The following STPG2 variants were observed in gnomAD, a reference collection of about 807,000 sequenced individuals.
The protein encoded by STPG2 is sperm-tail PG-rich repeat-containing protein 2.
Under a neutral mutation model 54.2 loss-of-function variants are expected in STPG2, and 56 were observed. That is an observed-to-expected ratio of 1.03 (90% confidence interval 0.83 to 1.29). STPG2 has a LOEUF of 1.29. Among genes scored for constraint, STPG2 ranks in the 50% most tolerant of loss-of-function variants. The pLI is 0.00. For synonymous variants in STPG2, 200 were observed against 181.8 expected, an observed-to-expected ratio of 1.10 and a Z score of -0.81; for missense variants, 596 against 544.9, an observed-to-expected ratio of 1.09 and a Z score of -0.93.
At chr4:97,969,745 C>A (rs1734254346) in intron 7 of STPG2, among the ~76,000 whole-genome samples, 1 of 152,168 alleles carries the variant, frequency 6.6e-6, no homozygotes, top group Non-Finnish European at 1.5e-5. Flanking sequence ...CCTTTGAAAA[C>A]TGGCACAAGA....
intron 8 of STPG2, among the ~76,000 whole-genome samples, chr4:97,936,456 C>T (rs573775902): frequency 3.1e-4 from 47 of 152,180 alleles, no homozygotes; most frequent in Admixed American, 1.9e-3. Context: ...CAAATTAATG[C>T]GGTTTCTTCA....
chr4:97,601,141 T>C (rs941233489), intron 10 of STPG2, among the ~76,000 whole-genome samples: 2 of 152,104 alleles, frequency 1.3e-5, no homozygotes, highest in South Asian at 2.1e-4. Context: ...TTCAAAATAA[T>C]GTGCCTTCGT....
At chr4:97,521,984 G>T (rs1731189543) in intron 4 of STPG2, among the ~76,000 whole-genome samples, 1 of 151,766 alleles carries the variant, frequency 6.6e-6, no homozygotes, top group Non-Finnish European at 1.5e-5. Flanking sequence ...AATATTAGTG[G>T]TAATGAGATA....
At chr4:97,660,939 T>A (rs77791562) in intron 10 of STPG2, among the ~76,000 whole-genome samples, 3 of 152,154 alleles carry the variant, frequency 2.0e-5, no homozygotes, top group Non-Finnish European at 4.4e-5. Context: ...TGTTCAGATT[T>A]GGGGTTCACA....
chr4:97,943,971 C>G lies in STPG2; in HGVS notation c.970G>C (p.Glu324Gln). 6.2e-7 allele frequency: 1 copy of G among 1,606,710 alleles called. No individual in the cohort carries two copies. Among genetic ancestry groups the G allele is most frequent in the Non-Finnish European group, 8.5e-7 (1 of 1,177,628 alleles). Residue 324 changes from glutamate to glutamine, a missense_variant, in exon 8 of 11, where the codon GAA (glutamate) becomes CAA (glutamine). Coordinates refer to ENST00000295268, the MANE Select transcript of STPG2 (RefSeq NM_174952.3). ...TATTTGTTAGTCAAGTTAGGTAATT[C>G]ATCAGAAATTCCCACACCCTGTGAA... ...WHSQGVGISD[E>Q]LPNLTNKYAA...
chr4:97,985,709 T>C (rs1734807701), intron 5 of STPG2, among the ~76,000 whole-genome samples: 1 of 152,202 alleles, frequency 6.6e-6, no homozygotes, highest in African/African-American at 2.4e-5. Flanking sequence ...AGAACCATTA[T>C]TCTTTTCCCC....
chr4:97,535,970 A>AT (rs1189325313), intron 4 of STPG2, among the ~76,000 whole-genome samples: 1 of 151,724 alleles, frequency 6.6e-6, no homozygotes. Flanking sequence ...TGAATTTTGA[A>AT]TTTTTTAGCT....
intron 9 of STPG2, among the ~76,000 whole-genome samples, chr4:97,813,377 T>C (rs1727803191): frequency 6.6e-6 from 1 of 152,078 alleles, no homozygotes; most frequent in Admixed American, 6.6e-5. Context: ...TACTCCCAAA[T>C]CTGATACTTT....
chr4:98,128,011 C>T (rs1739878329), intron 3 of STPG2, among the ~76,000 whole-genome samples: 1 of 152,152 alleles, frequency 6.6e-6, no homozygotes, highest in South Asian at 2.1e-4. Flanking sequence ...TTCTGAGATA[C>T]ACAGACTATA....
chr4:97,898,451 T>A (rs1731045723), intron 8 of STPG2, among the ~76,000 whole-genome samples: 1 of 151,808 alleles, frequency 6.6e-6, no homozygotes, highest in South Asian at 2.1e-4. Flanking sequence ...CTTCTAGATT[T>A]TTTTTCCAGT....
rs541167719 is a variant in STPG2, at chr4:97,960,974, G to T, written c.933+11306C>A. Among the ~76,000 whole-genome samples, 3 of 152,070 alleles carry T rather than the reference G, an allele frequency of 2.0e-5. No homozygotes were observed. The South Asian group carries it at 6.2e-4, about 32-fold the overall frequency. ...CTACAAGGCCATAGTCACTAAAACA[G>T]CATGGTACTGGTATAAACATAGGTG... On this transcript the variant is annotated intron_variant, in intron 7 of 10. Transcript: ENST00000295268.
intron 10 of STPG2, among the ~76,000 whole-genome samples, chr4:97,658,896 T>C (rs1380430287): frequency 1.3e-5 from 2 of 152,180 alleles, no homozygotes; most frequent in Non-Finnish European, 2.9e-5. Context: ...TATAGAAATA[T>C]CATTTAAGAA....
At chr4:97,886,341 G>C (rs1208262299) in intron 8 of STPG2, among the ~76,000 whole-genome samples, 1 of 152,112 alleles carries the variant, frequency 6.6e-6, no homozygotes, top group Non-Finnish European at 1.5e-5. Context: ...GTAGAAAACA[G>C]ACTAACTAAC....
At chr4:97,528,862 C>A (rs1266262585) in intron 4 of STPG2, among the ~76,000 whole-genome samples, 1 of 151,276 alleles carries the variant, frequency 6.6e-6, no homozygotes, top group Non-Finnish European at 1.5e-5. Flanking sequence ...AAGCTGCTTA[C>A]CAGCTTAAGG....
intron 8 of STPG2, among the ~76,000 whole-genome samples, chr4:97,918,950 C>T (rs1731992582): frequency 6.6e-6 from 1 of 152,114 alleles, no homozygotes; most frequent in South Asian, 2.1e-4. Context: ...ACCTGTTCCC[C>T]AAAAACTATT....
At chr4:97,876,540 T>G (rs1403380275) in intron 8 of STPG2, among the ~76,000 whole-genome samples, 1 of 152,106 alleles carries the variant, frequency 6.6e-6, no homozygotes, top group Admixed American at 6.5e-5. Context: ...ATATTTATCA[T>G]TAAATTACAT....
intron 8 of STPG2, among the ~76,000 whole-genome samples, chr4:97,844,535 C>G (rs1277058377): frequency 2.0e-5 from 3 of 151,948 alleles, no homozygotes; most frequent in Admixed American, 1.3e-4. Flanking sequence ...TGATGAGAAG[C>G]CTACAATTAG....
chr4:97,659,194 G>T (rs1256979539), intron 10 of STPG2, among the ~76,000 whole-genome samples: 1 of 152,078 alleles, frequency 6.6e-6, no homozygotes, highest in Non-Finnish European at 1.5e-5. Flanking sequence ...ATCTTTATTT[G>T]GGTGAAACTA....
chr4:97,593,517 C>T (rs73831952), intron 10 of STPG2, among the ~76,000 whole-genome samples: 5,276 of 152,184 alleles, frequency 0.035, 303 homozygotes, highest in African/African-American at 0.12. Flanking sequence ...CCTCCCCATG[C>T]CAACACCACC....
Sources: allele counts gnomAD v4.1 joint callset (sites outside exome capture counted in the v4.1 genomes callset), GRCh38; gene constraint gnomAD v4.1.1; transcripts MANE v1.5; gene names NCBI Gene and HGNC (gene_info 2026-07-23, HGNC 2026-07-21).